PDE8A: variants seen among roughly 807,000 people sequenced by gnomAD.
PDE8A encodes the protein phosphodiesterase 8A, also known as high affinity cAMP-specific and IBMX-insensitive 3',5'-cyclic phosphodiesterase 8A.
PDE8A carries 59 observed loss-of-function variants against 105.0 expected under a neutral mutation model. The observed-to-expected ratio is 0.56, with a 90% CI of 0.46 to 0.70. PDE8A has a LOEUF of 0.70. PDE8A is among the 30% of genes least tolerant of loss of function. The pLI is 0.00. For synonymous variants in PDE8A, 355 were observed against 371.9 expected (o/e 0.95, Z 0.52); for missense variants, 1,014 against 1,045.9 (o/e 0.97, Z 0.42).
chr15:85,054,091 T>G (rs1372773295), intron 1 of PDE8A, among the ~76,000 whole-genome samples: 2 of 142,694 alleles, frequency 1.4e-5, no homozygotes, highest in Non-Finnish European at 3.1e-5. Flanking sequence ...GGTTTTTGTC[T>G]TTGGTTCTGT....
intron 9 of PDE8A, 140 bp downstream of exon 9, chr15:85,098,176 G>A: frequency 6.1e-6 from 4 of 653,000 alleles, no homozygotes; most frequent in South Asian, 1.7e-5. Context: ...CCAGCATAGT[G>A]TTTTCTTGGT....
intron 16 of PDE8A, among the ~76,000 whole-genome samples, chr15:85,116,967 G>T (rs1349686908): frequency 6.6e-6 from 1 of 152,224 alleles, no homozygotes; most frequent in African/African-American, 2.4e-5. Context: ...GCTAAGGCAG[G>T]TCAGTTTAAG....
intron 1 of PDE8A, among the ~76,000 whole-genome samples, chr15:85,012,103 C>A (rs889574114): frequency 6.6e-4 from 101 of 152,278 alleles, no homozygotes; most frequent in African/African-American, 2.4e-3. Context: ...GTTGGTGGGA[C>A]TGTAAACTAG....
intron 1 of PDE8A, among the ~76,000 whole-genome samples, chr15:85,022,734 G>T (rs1049497450): frequency 1.3e-5 from 2 of 151,576 alleles, no homozygotes; most frequent in Non-Finnish European, 2.9e-5. Flanking sequence ...TGTATTTTTG[G>T]TAGAGACAGG....
At chr15:84,981,710 G>T (rs899651063), upstream of PDE8A, among the ~76,000 whole-genome samples, 2 of 151,298 alleles carry the variant, frequency 1.3e-5, no homozygotes, top group African/African-American at 2.4e-5. Context: ...CGGCGGCGGC[G>T]GGAGCGGGGC....
At chr15:85,098,458 A>C (rs1196305785) in intron 9 of PDE8A, among the ~76,000 whole-genome samples, 1 of 152,222 alleles carries the variant, frequency 6.6e-6, no homozygotes, top group Non-Finnish European at 1.5e-5. Context: ...GGACATTCCT[A>C]TATAAAACAG....
intron 1 of PDE8A, among the ~76,000 whole-genome samples, chr15:85,023,902 C>T (rs778064743): frequency 6.6e-6 from 1 of 152,074 alleles, no homozygotes. Flanking sequence ...TAAAAGATGG[C>T]ATTTTGGTTG....
Position 85,010,038 on chromosome 15 carries a change from T to C in PDE8A, c.186+27690T>C, listed in dbSNP as rs76156415. 5.8e-4 allele frequency among the ~76,000 whole-genome samples: 88 copies of C among 152,344 alleles called. 2 individuals carry two copies. The East Asian group carries it at 0.016, about 27-fold the overall frequency. ...CCAGACAAAAAAAGATTACATGCTA[T>C]ATGATTTAGTTTATACAAAGTTCAA... On this transcript the variant is annotated intron_variant, in intron 1 of 21. Transcript: ENST00000394553.
chr15:85,047,649 T>C (rs2080908107), intron 1 of PDE8A, among the ~76,000 whole-genome samples: 1 of 152,218 alleles, frequency 6.6e-6, no homozygotes, highest in Admixed American at 6.5e-5. Flanking sequence ...CCTTTATTTC[T>C]TAAAATAAAT....
chr15:85,066,586 ACACACACACACACACACAC>A (rs2081230298), intron 2 of PDE8A, among the ~76,000 whole-genome samples: 1 of 11,236 alleles, frequency 8.9e-5, no homozygotes, highest in African/African-American at 3.1e-4. Context: ...CCCCCAAAAC[ACACACACACACACACACAC>A]ACACACACAC....
intron 20 of PDE8A, among the ~76,000 whole-genome samples, chr15:85,130,464 T>C (rs2082315281): frequency 1.3e-5 from 2 of 152,210 alleles, no homozygotes; most frequent in Non-Finnish European, 1.5e-5. Context: ...TTAAAATATA[T>C]ACTGTTTGTT....
intron 17 of PDE8A, among the ~76,000 whole-genome samples, chr15:85,118,430 T>C (rs2082129810): frequency 1.3e-5 from 2 of 152,162 alleles, no homozygotes; most frequent in Admixed American, 6.5e-5. Context: ...GCTGTCCCAG[T>C]GAGGCCCCCC....
intron 1 of PDE8A, among the ~76,000 whole-genome samples, chr15:85,017,777 C>T (rs1353369415): frequency 2.0e-5 from 3 of 150,596 alleles, no homozygotes; most frequent in South Asian, 2.1e-4. Context: ...ATCCCAGCTA[C>T]TAGGGAGGCT....
intron 1 of PDE8A, among the ~76,000 whole-genome samples, chr15:85,041,927 TTCCAGTAG>T (rs1309949357): frequency 1.3e-5 from 2 of 152,194 alleles, no homozygotes; most frequent in African/African-American, 4.8e-5. Flanking sequence ...TTACCTCTCG[TTCCAGTAG>T]TTTCTCCTCT....
chr15:85,001,808 A>G (rs186956250), intron 1 of PDE8A, among the ~76,000 whole-genome samples: 1 of 152,320 alleles, frequency 6.6e-6, no homozygotes, highest in East Asian at 1.9e-4. Flanking sequence ...AGCGTGGGTC[A>G]CTAGCCTGGA....
intron 6 of PDE8A, among the ~76,000 whole-genome samples, chr15:85,084,439 G>T (rs918032141): frequency 3.3e-5 from 5 of 152,204 alleles, no homozygotes; most frequent in African/African-American, 9.6e-5. Context: ...TTGAAGGCTG[G>T]TGTGGTATAC....
At chr15:85,006,158 A>T (rs1237738037) in intron 1 of PDE8A, among the ~76,000 whole-genome samples, 1 of 152,160 alleles carries the variant, frequency 6.6e-6, no homozygotes, top group East Asian at 1.9e-4. Flanking sequence ...GACATACCTA[A>T]TGCTAAATGA....
rs773286148 is a variant in PDE8A at position 84,982,249 on chromosome 15, C to A, written c.87C>A (p.Gly29=). 2 of 1,457,832 alleles carry A rather than the reference C, an allele frequency of 1.4e-6. No homozygotes were observed. Among genetic ancestry groups the A allele is most frequent in the Non-Finnish European group, 1.8e-6 (2 of 1,113,648 alleles). The allele number at this position is 1,457,832 out of a possible 1,614,324, so 90.3% of individuals were successfully genotyped here. The change falls in exon 1 of 22, where the codon GGC becomes GGA. Residue 29 remains glycine (G), a synonymous_variant. Coordinates refer to ENST00000394553, the MANE Select transcript of PDE8A (RefSeq NM_002605.3). ...PSPAAPPLSS[G]GPRLPQGQKT... ...CCGCGGCACCGCCGCTGTCGTCCGG[C>A]GGGCCGCGCCTCCCGCAGGGCCAGA...
intron 1 of PDE8A, among the ~76,000 whole-genome samples, chr15:85,025,137 G>A (rs536963029): frequency 1.3e-5 from 2 of 152,202 alleles, no homozygotes; most frequent in South Asian, 4.2e-4. Context: ...ATATAACTAT[G>A]CTCTTCACAT....
Sources: gnomAD v4.1 joint callset for allele counts (sites outside exome capture counted in the v4.1 genomes callset) on GRCh38, gnomAD v4.1.1 for gene constraint, MANE v1.5 for transcripts, NCBI Gene and HGNC (gene_info 2026-07-23, HGNC 2026-07-21) for gene names.